TENM2: variants seen among roughly 807,000 people sequenced by gnomAD.
TENM2 encodes teneurin-2.
Under a neutral mutation model 245.2 loss-of-function variants are expected in TENM2, and 52 were observed. The observed-to-expected ratio is 0.21, with a 90% confidence interval of 0.17 to 0.27. TENM2 has a LOEUF of 0.27. Ranked by LOEUF, TENM2 falls within the 10% of genes least tolerant of loss-of-function variation. The pLI is 1.00. For missense variants in TENM2, 3,046 were observed against 3,666.8 expected, an observed-to-expected ratio of 0.83 and a Z score of 4.37; for synonymous variants, 1,363 against 1,438.9, an observed-to-expected ratio of 0.95 and a Z score of 1.19.
intron 2 of TENM2, among the ~76,000 whole-genome samples, chr5:167,809,887 C>G (rs901241491): frequency 6.6e-6 from 1 of 151,996 alleles, no homozygotes; most frequent in Non-Finnish European, 1.5e-5. Context: ...TCTTCAAATC[C>G]AAATGAGAAT....
chr5:167,514,177 T>C (rs748296187), intron 2 of TENM2, among the ~76,000 whole-genome samples: 5 of 152,312 alleles, frequency 3.3e-5, no homozygotes, highest in African/African-American at 4.8e-5. Flanking sequence ...AAAGCTATCA[T>C]TGAGTATCAA....
intron 2 of TENM2, among the ~76,000 whole-genome samples, chr5:167,492,500 T>C (rs1010242698): frequency 3.3e-5 from 5 of 152,138 alleles, no homozygotes; most frequent in African/African-American, 1.2e-4. Context: ...CACAATGTTA[T>C]TAAGGAGGTT....
chr5:167,392,343 T>C (rs538651328), intron 2 of TENM2, among the ~76,000 whole-genome samples: 115 of 152,324 alleles, frequency 7.5e-4, no homozygotes, highest in Non-Finnish European at 1.4e-3. Context: ...TGAGAGGTTG[T>C]TGCTAGAAGA....
intron 7 of TENM2, among the ~76,000 whole-genome samples, chr5:168,067,415 A>G (rs910180735): frequency 6.6e-6 from 1 of 152,230 alleles, no homozygotes; most frequent in Non-Finnish European, 1.5e-5. Flanking sequence ...AAATGCAAAT[A>G]TGGCAGATTG....
At chr5:167,722,898 T>C (rs1759731979) in intron 2 of TENM2, among the ~76,000 whole-genome samples, 1 of 152,190 alleles carries the variant, frequency 6.6e-6, no homozygotes, top group African/African-American at 2.4e-5. Flanking sequence ...TTGTCCAATA[T>C]GAGTAGTCAC....
intron 1 of TENM2, among the ~76,000 whole-genome samples, chr5:167,291,154 T>C (rs922477641): frequency 1.3e-5 from 2 of 152,248 alleles, no homozygotes; most frequent in Admixed American, 6.5e-5. Flanking sequence ...TTGAATTACC[T>C]TCCTTCTCCT....
intron 6 of TENM2, among the ~76,000 whole-genome samples, chr5:168,054,571 G>C (rs1048910954): frequency 1.3e-5 from 2 of 152,174 alleles, no homozygotes; most frequent in African/African-American, 4.8e-5. Context: ...ATTAATATGA[G>C]GCTTCATTTC....
At chr5:167,676,199 AG>A (rs1756313113) in intron 2 of TENM2, among the ~76,000 whole-genome samples, 1 of 152,084 alleles carries the variant, frequency 6.6e-6, no homozygotes, top group Non-Finnish European at 1.5e-5. Context: ...TTTGATTATT[AG>A]TATATTTTTC....
chr5:167,680,771 A>G (rs541679334), intron 2 of TENM2, among the ~76,000 whole-genome samples: 5 of 152,212 alleles, frequency 3.3e-5, no homozygotes, highest in Non-Finnish European at 7.3e-5. Flanking sequence ...CATCCTCGTC[A>G]TTCCAAATTA....
chr5:167,276,352 TTG>T, the TENM2 span, among the ~76,000 whole-genome samples: 689 of 34,184 alleles, frequency 0.02, 1 homozygote, highest in Middle Eastern at 0.033. Context: ...CCTGTTCATT[TTG>T]TGTGTGTGTG....
At chr5:167,122,810 C>T in the TENM2 span, among the ~76,000 whole-genome samples, 1 of 152,138 alleles carries the variant, frequency 6.6e-6, no homozygotes, top group Non-Finnish European at 1.5e-5. Flanking sequence ...TCACATTATA[C>T]AGGACTTCAT....
intron 13 of TENM2, among the ~76,000 whole-genome samples, chr5:168,177,882 C>A (rs554256675): frequency 6.6e-6 from 1 of 152,172 alleles, no homozygotes; most frequent in Non-Finnish European, 1.5e-5. Context: ...AAATCTCCAG[C>A]GAGTGCTAAG....
intron 2 of TENM2, among the ~76,000 whole-genome samples, chr5:167,665,799 T>C (rs1030858376): frequency 6.6e-6 from 1 of 152,218 alleles, no homozygotes; most frequent in Non-Finnish European, 1.5e-5. Context: ...CTCTCCACTC[T>C]TTCTTAAATG....
intron 1 of TENM2, chr5:167,296,362 T>C (rs1480412945): frequency 6.6e-6 from 1 of 152,188 alleles, no homozygotes; most frequent in East Asian, 1.9e-4. Context: ...TCTCCTTCTG[T>C]CCTTGTGCAG....
intron 2 of TENM2, among the ~76,000 whole-genome samples, chr5:167,708,352 C>T (rs1183936770): frequency 2.6e-5 from 4 of 152,070 alleles, no homozygotes; most frequent in African/African-American, 9.7e-5. Context: ...GAGAGTGTCA[C>T]TGTTAGGGTG....
intron 13 of TENM2, among the ~76,000 whole-genome samples, chr5:168,165,388 T>C (rs1314607903): frequency 6.6e-6 from 1 of 152,068 alleles, no homozygotes; most frequent in Non-Finnish European, 1.5e-5. Context: ...CTCTCCTGGC[T>C]CCCTTCCCCG....
chr5:167,909,968 A>C (rs953310598), intron 3 of TENM2, among the ~76,000 whole-genome samples: 4 of 150,934 alleles, frequency 2.7e-5, no homozygotes, highest in Admixed American at 6.6e-5. Flanking sequence ...ACTCTGTGTC[A>C]ATATTTTTTT....
At chr5:167,764,669 G>A (rs1029877351) in intron 2 of TENM2, among the ~76,000 whole-genome samples, 2 of 152,110 alleles carry the variant, frequency 1.3e-5, no homozygotes, top group Non-Finnish European at 2.9e-5. Flanking sequence ...ACGGTGGGCC[G>A]GTGAGGATTG....
intron 5 of TENM2, among the ~76,000 whole-genome samples, chr5:167,997,039 C>T (rs1784102402): frequency 6.6e-6 from 1 of 152,150 alleles, no homozygotes; most frequent in Non-Finnish European, 1.5e-5. Context: ...ACACCCAGCC[C>T]ATTTGAAGCA....
Sources: allele counts gnomAD v4.1 joint callset (sites outside exome capture counted in the v4.1 genomes callset), GRCh38; gene constraint gnomAD v4.1.1; transcripts MANE v1.5; gene names NCBI Gene and HGNC (gene_info 2026-07-23, HGNC 2026-07-21).